The following NFIB variants were observed in gnomAD, a reference collection of about 807,000 sequenced individuals.
NFIB encodes nuclear factor I B.
A neutral mutation model predicts 61.5 loss-of-function variants in NFIB; 11 were observed. The ratio of observed to expected loss-of-function variants is 0.18; its 90% CI spans 0.11 to 0.30. The LOEUF (loss-of-function observed/expected upper bound fraction) is 0.30, where lower values mean the gene tolerates loss of function less well. Among genes scored for constraint, NFIB ranks in the 10% least tolerant of loss-of-function variants. The pLI, the probability that NFIB is intolerant of heterozygous loss-of-function variation, is 1.00. For missense variants in NFIB, 471 were observed against 608.9 expected, an observed-to-expected ratio of 0.77 and a Z score of 2.38; for synonymous variants, 260 against 216.5, an observed-to-expected ratio of 1.20 and a Z score of -1.76.
intron 6 of NFIB, among the ~76,000 whole-genome samples, chr9:14,133,438 T>C (rs2040637353): frequency 6.6e-6 from 1 of 152,190 alleles, no homozygotes; most frequent in South Asian, 2.1e-4. Context: ...AAGATAATAA[T>C]GTTATTTAAA....
upstream of NFIB, among the ~76,000 whole-genome samples, chr9:14,315,305 G>C (rs994157852): frequency 2.0e-5 from 3 of 151,322 alleles, no homozygotes; most frequent in Middle Eastern, 3.4e-3. Context: ...GCCCTCCCCG[G>C]GGGTGCCCCG....
intron 2 of NFIB, among the ~76,000 whole-genome samples, chr9:14,224,757 G>A (rs1298623555): frequency 6.6e-6 from 1 of 152,178 alleles, no homozygotes; most frequent in East Asian, 1.9e-4. Flanking sequence ...GGTTGGGGCG[G>A]TCCTAGAACC....
At chr9:14,177,030 A>C (rs2046266687) in intron 3 of NFIB, among the ~76,000 whole-genome samples, 1 of 152,236 alleles carries the variant, frequency 6.6e-6, no homozygotes, top group Non-Finnish European at 1.5e-5. Context: ...ACCAGTGATA[A>C]GAAAGTGTTG....
chr9:14,488,336 C>A, the NFIB span, among the ~76,000 whole-genome samples: 2 of 150,432 alleles, frequency 1.3e-5, no homozygotes, highest in South Asian at 2.1e-4. Context: ...GCACTTCAAT[C>A]TGGACAACAG....
intron 2 of NFIB, among the ~76,000 whole-genome samples, chr9:14,230,701 AG>A (rs1380391118): frequency 3.9e-5 from 6 of 152,218 alleles, no homozygotes; most frequent in Admixed American, 1.3e-4. Context: ...GGTAGAAAAA[AG>A]TAGCACTTTT....
chr9:14,467,390 T>C, the NFIB span, among the ~76,000 whole-genome samples: 1 of 151,852 alleles, frequency 6.6e-6, no homozygotes, highest in South Asian at 2.1e-4. Flanking sequence ...GCCTATAAAA[T>C]TTGGGGACGC....
At chr9:14,347,036 GCCC>G (rs1490186692) in intron 1 of NFIB, among the ~76,000 whole-genome samples, 2 of 151,892 alleles carry the variant, frequency 1.3e-5, no homozygotes, top group Non-Finnish European at 2.9e-5. Context: ...CGGCCAGGGA[GCCC>G]CTGGCCCCCA....
chr9:14,115,755 T>C (rs972403758), intron 9 of NFIB, among the ~76,000 whole-genome samples: 8 of 152,214 alleles, frequency 5.3e-5, no homozygotes, highest in Non-Finnish European at 1.2e-4. Flanking sequence ...GATGTAAACA[T>C]GCAATTACCT....
chr9:14,112,950 G>A (rs1003004244), intron 10 of NFIB, 49 bp downstream of exon 10: 68 of 1,525,672 alleles, frequency 4.5e-5, no homozygotes, highest in Admixed American at 2.0e-4. Context: ...GGAGAAGCAC[G>A]GAAGCGAAAG....
chr9:14,496,919 T>C, the NFIB span, among the ~76,000 whole-genome samples: 1 of 152,248 alleles, frequency 6.6e-6, no homozygotes, highest in Non-Finnish European at 1.5e-5. Flanking sequence ...AATGGGTCTG[T>C]GTATTTCTTT....
At chr9:14,451,563 T>C in the NFIB span, among the ~76,000 whole-genome samples, 1 of 152,168 alleles carries the variant, frequency 6.6e-6, no homozygotes, top group Non-Finnish European at 1.5e-5. Context: ...CAAATACCAC[T>C]TCAGGCCGAA....
chr9:14,176,690 T>C (rs940766339), intron 3 of NFIB, among the ~76,000 whole-genome samples: 1 of 152,138 alleles, frequency 6.6e-6, no homozygotes, highest in Non-Finnish European at 1.5e-5. Context: ...TCTGTAGATG[T>C]CCATACTATA....
intron 6 of NFIB, among the ~76,000 whole-genome samples, chr9:14,130,165 C>G (rs1371256927): frequency 6.6e-6 from 1 of 152,152 alleles, no homozygotes; most frequent in Non-Finnish European, 1.5e-5. Flanking sequence ...CTCCATGGCA[C>G]TTTATAAAAA....
At chr9:14,433,245 C>G in the NFIB span, among the ~76,000 whole-genome samples, 5 of 152,182 alleles carry the variant, frequency 3.3e-5, no homozygotes, top group African/African-American at 1.2e-4. Flanking sequence ...ACAATACAAA[C>G]CCCAGTCTTT....
At chr9:14,089,129 G>C (rs1563772202) in intron 10 of NFIB, among the ~76,000 whole-genome samples, 1 of 152,040 alleles carries the variant, frequency 6.6e-6, no homozygotes, top group Non-Finnish European at 1.5e-5. Context: ...CTTTTAGAGA[G>C]AGCCACAGCT....
At chr9:14,346,852 C>T (rs909155666) in intron 1 of NFIB, among the ~76,000 whole-genome samples, 1 of 152,154 alleles carries the variant, frequency 6.6e-6, no homozygotes, top group East Asian at 1.9e-4. Context: ...ACAGGGTCTC[C>T]TATCAACTGC....
At chr9:14,499,339 C>G in the NFIB span, among the ~76,000 whole-genome samples, 1 of 152,100 alleles carries the variant, frequency 6.6e-6, no homozygotes, top group Admixed American at 6.5e-5. Context: ...AGAAAAAGAG[C>G]TTCTTCAGTG....
At chr9:14,134,435 G>C (rs2040763009) in intron 6 of NFIB, among the ~76,000 whole-genome samples, 1 of 152,084 alleles carries the variant, frequency 6.6e-6, no homozygotes, top group East Asian at 1.9e-4. Context: ...AAAAGAACTA[G>C]ACAAGAATCA....
At chr9:14,140,264 G>C (rs1236422707) in intron 6 of NFIB, among the ~76,000 whole-genome samples, 1 of 152,130 alleles carries the variant, frequency 6.6e-6, no homozygotes, top group African/African-American at 2.4e-5. Context: ...ATGACTCCCA[G>C]ATAGCAGTTA....
Sources: allele counts gnomAD v4.1 joint callset (sites outside exome capture counted in the v4.1 genomes callset), GRCh38; gene constraint gnomAD v4.1.1; transcripts MANE v1.5; gene names NCBI Gene and HGNC (gene_info 2026-07-23, HGNC 2026-07-21).